The following PLCG2 variants were observed in gnomAD, a reference collection of about 807,000 sequenced individuals.
PLCG2 encodes 1-phosphatidylinositol 4,5-bisphosphate phosphodiesterase gamma-2.
Under a neutral mutation model 175.6 loss-of-function variants are expected in PLCG2, and 69 were observed. The ratio of observed to expected loss-of-function variants is 0.39; its 90% CI spans 0.32 to 0.48. The LOEUF is 0.48. Among genes scored for constraint, PLCG2 ranks in the 20% least tolerant of loss-of-function variants. The probability of loss-of-function intolerance (pLI) is 0.91; values close to 1 mark genes in which losing one functional copy is unlikely to be tolerated. For synonymous variants in PLCG2, 827 were observed against 624.0 expected, an observed-to-expected ratio of 1.33 and a Z score of -4.85; for missense variants, 1,798 against 1,650.9, an observed-to-expected ratio of 1.09 and a Z score of -1.54.
chr16:81,886,290 CT>C (rs1351944223), intron 9 of PLCG2, among the ~76,000 whole-genome samples: 2 of 152,210 alleles, frequency 1.3e-5, no homozygotes, highest in African/African-American at 4.8e-5. Flanking sequence ...TGTAGGAAAT[CT>C]CTCTCTCTGC....
intron 2 of PLCG2, among the ~76,000 whole-genome samples, chr16:81,802,766 T>G (rs1019104173): frequency 2.0e-5 from 3 of 152,114 alleles, no homozygotes; most frequent in East Asian, 3.9e-4. Context: ...GGACGGCATT[T>G]CATCATTTTG....
chr16:81,778,461 C>G (rs1463984700), upstream of PLCG2, among the ~76,000 whole-genome samples: 1 of 152,158 alleles, frequency 6.6e-6, no homozygotes, highest in African/African-American at 2.4e-5. Flanking sequence ...CCTCTAGTCA[C>G]AACAAAGATA....
At chr16:81,894,982 G>T (rs148592949) in intron 12 of PLCG2, among the ~76,000 whole-genome samples, 1 of 152,322 alleles carries the variant, frequency 6.6e-6, no homozygotes, top group African/African-American at 2.4e-5. Flanking sequence ...TTTTGTAGCA[G>T]TTACTCTATA....
At chr16:81,811,999 A>T (rs1904339262) in intron 2 of PLCG2, among the ~76,000 whole-genome samples, 1 of 148,514 alleles carries the variant, frequency 6.7e-6, no homozygotes, top group African/African-American at 2.5e-5. Context: ...GTGTAAAAGC[A>T]TTCCTATTTC....
chr16:81,948,443 G>T (rs374351349), intron 31 of PLCG2, among the ~76,000 whole-genome samples: 1 of 152,198 alleles, frequency 6.6e-6, no homozygotes, highest in African/African-American at 2.4e-5. Flanking sequence ...CTGATCCTGG[G>T]TGGACTGGGT....
chr16:81,902,866 C>T (rs986666038), intron 14 of PLCG2, among the ~76,000 whole-genome samples: 1 of 152,166 alleles, frequency 6.6e-6, no homozygotes, highest in Non-Finnish European at 1.5e-5. Context: ...TACATGGTGG[C>T]AGGCAAGAGA....
intron 2 of PLCG2, among the ~76,000 whole-genome samples, chr16:81,813,406 C>T (rs774062083): frequency 3.4e-4 from 51 of 152,020 alleles, no homozygotes; most frequent in Non-Finnish European, 6.2e-4. Context: ...AAGTTGTATT[C>T]CTAGGTATTT....
intron 1 of PLCG2, among the ~76,000 whole-genome samples, chr16:81,754,955 C>G (rs937664625): frequency 1.3e-5 from 2 of 152,150 alleles, no homozygotes; most frequent in Non-Finnish European, 2.9e-5. Context: ...AGTGAGAGAA[C>G]ATTGGCAGAG....
At position 81,919,667 on chromosome 16, in the gene PLCG2, A is replaced by G. The variant is rs544435013; in HGVS notation, c.2235+3A>G. 17 of 1,610,420 alleles carry G rather than the reference A, an allele frequency of 1.1e-5. No individual in the cohort carries two copies. The Admixed American group carries it at 2.8e-4, about 27-fold the overall frequency. ...AGCTCCTGGAGCGCTACAATATGGT[A>G]GGTGGTGGACTCCCTTGTGATTTGG... is the stretch of plus-strand genomic sequence containing the variant. On this transcript the variant is annotated splice_donor_region_variant and intron_variant, in intron 20 of 32. Coordinates refer to ENST00000564138, the MANE Select transcript of PLCG2 (RefSeq NM_002661.5).
At chr16:81,941,019 C>G (rs1170893244) in intron 30 of PLCG2, among the ~76,000 whole-genome samples, 4 of 152,114 alleles carry the variant, frequency 2.6e-5, no homozygotes, top group Non-Finnish European at 4.4e-5. Context: ...GATCATTTTT[C>G]AAGAGAAAGA....
At chr16:81,871,569 C>T (rs2143534800) in intron 7 of PLCG2, among the ~76,000 whole-genome samples, 1 of 152,258 alleles carries the variant, frequency 6.6e-6, no homozygotes, top group Middle Eastern at 3.4e-3. Context: ...AACTTCTAAC[C>T]TCAACTGATC....
chr16:81,754,195 G>C (rs1333474037), intron 1 of PLCG2, among the ~76,000 whole-genome samples: 1 of 151,720 alleles, frequency 6.6e-6, no homozygotes, highest in Admixed American at 6.6e-5. Flanking sequence ...CCTGAGTTGA[G>C]AGGGGATGGA....
chr16:81,908,535 C>T lies in PLCG2; in HGVS notation c.1677C>T (p.Gly559=). The T allele has an allele frequency of 6.2e-7, 1 of 1,613,580 alleles. No homozygotes were observed. The highest frequency in any genetic ancestry group is 8.5e-7 in the Non-Finnish European group (1 of 1,179,960). Residue 559 remains glycine, a synonymous_variant, in exon 17 of 33, where the codon GGC becomes GGT. Transcript: ENST00000564138. ...GCATGGAGACGGGGGGCAAGGATGG[C>T]ACCTTCCTGGTTCGGGAGAGCGAGA... ...EYCMETGGKD[G]TFLVRESETF...
chr16:81,782,725 G>C (rs1048760426), intron 1 of PLCG2, among the ~76,000 whole-genome samples: 2 of 152,222 alleles, frequency 1.3e-5, no homozygotes, highest in Admixed American at 6.5e-5. Flanking sequence ...TGTTAAGCCA[G>C]TACAGGATTT....
Position 81,960,353 on chromosome 16 carries a change from G to C in PLCG2, c.*2355G>C, listed in dbSNP as rs1173146459. ...AAGCACAGCCAATCCAGGCCAAGAA[G>C]ACTAGTAACAGGCACATTCTGAAAG... On this transcript the variant is annotated 3_prime_UTR_variant, in exon 33 of 33. Coordinates refer to ENST00000564138, the MANE Select transcript of PLCG2 (RefSeq NM_002661.5). 3 of 219,990 alleles carry C rather than the reference G, an allele frequency of 1.4e-5. No individual in the cohort carries two copies. The highest frequency in any genetic ancestry group is 2.7e-5 in the Non-Finnish European group (3 of 109,922). 13.6% of individuals were successfully genotyped at this position (219,990 alleles called of 1,614,324 possible).
chr16:81,855,064 G>T (rs1011429913), intron 3 of PLCG2, among the ~76,000 whole-genome samples: 1 of 151,818 alleles, frequency 6.6e-6, no homozygotes, highest in Admixed American at 6.6e-5. Context: ...ACAAAAACTA[G>T]CTGGGTGTGG....
intron 19 of PLCG2, 113 bp downstream of exon 19, chr16:81,912,829 A>T: frequency 7.8e-7 from 1 of 1,284,694 alleles, no homozygotes; most frequent in South Asian, 1.6e-5. Context: ...CTGCCCCCCC[A>T]GCATCAGCGA....
At chr16:81,802,106 T>TC in intron 2 of PLCG2, among the ~76,000 whole-genome samples, 2 of 64,392 alleles carry the variant, frequency 3.1e-5, no homozygotes, top group East Asian at 3.6e-4. Context: ...TTTTTTTTTT[T>TC]TTTTTTTTTT....
intron 2 of PLCG2, among the ~76,000 whole-genome samples, chr16:81,798,076 C>T (rs985178306): frequency 6.6e-6 from 1 of 152,088 alleles, no homozygotes; most frequent in Non-Finnish European, 1.5e-5. Flanking sequence ...AGTGATCTGC[C>T]TGCATTGGCC....
Sources: allele counts gnomAD v4.1 joint callset (sites outside exome capture counted in the v4.1 genomes callset), GRCh38; gene constraint gnomAD v4.1.1; transcripts MANE v1.5; gene names NCBI Gene and HGNC (gene_info 2026-07-23, HGNC 2026-07-21).